TSC22D1: variants seen among roughly 807,000 people sequenced by gnomAD.
TSC22D1 encodes the protein TSC22 domain family member 1.
In TSC22D1, 9 loss-of-function variants were observed where a neutral mutation model predicts 74.2. The observed-to-expected ratio is 0.12, with a 90% CI of 0.07 to 0.21. The LOEUF (loss-of-function observed/expected upper bound fraction) is 0.21. TSC22D1 is among the 10% of genes least tolerant of loss of function. The pLI is 1.00. For synonymous variants in TSC22D1, 586 were observed against 492.5 expected (o/e 1.19, Z -2.51); for missense variants, 1,427 against 1,304.7 (o/e 1.09, Z -1.44).
chr13:44,529,304 A>G (rs1194392748), intron 1 of TSC22D1, among the ~76,000 whole-genome samples: 2 of 152,214 alleles, frequency 1.3e-5, no homozygotes, highest in South Asian at 4.1e-4. Context: ...TACTACATCA[A>G]TAGGCTAAAG....
intron 1 of TSC22D1, among the ~76,000 whole-genome samples, chr13:44,480,823 T>G (rs1878141650): frequency 6.6e-6 from 1 of 152,212 alleles, no homozygotes; most frequent in South Asian, 2.1e-4. Flanking sequence ...GTTTTTTGGT[T>G]GTTTTACATA....
At chr13:44,528,011 T>C (rs1026278901) in intron 1 of TSC22D1, among the ~76,000 whole-genome samples, 1 of 152,080 alleles carries the variant, frequency 6.6e-6, no homozygotes, top group African/African-American at 2.4e-5. Flanking sequence ...ATTCTTAATA[T>C]GTATGTGCCT....
At chr13:44,437,930 C>T (rs1874871779) in intron 1 of TSC22D1, among the ~76,000 whole-genome samples, 1 of 152,146 alleles carries the variant, frequency 6.6e-6, no homozygotes, top group East Asian at 1.9e-4. Flanking sequence ...TCTGTTTCAC[C>T]CTCTTGGCCA....
intron 2 of TSC22D1, chr13:44,435,219 C>T (rs1459335475): frequency 1.4e-5 from 3 of 212,362 alleles, no homozygotes; most frequent in African/African-American, 2.3e-5. Context: ...GCGCCCACCG[C>T]GTCCCCGCCC....
intron 1 of TSC22D1, chr13:44,536,926 G>GGA: frequency 6.1e-6 from 3 of 493,378 alleles, no homozygotes; most frequent in Non-Finnish European, 6.9e-6. Context: ...GTATTTTTCT[G>GGA]AAAAAAAAAA....
At chr13:44,501,808 C>T (rs559373441) in intron 1 of TSC22D1, among the ~76,000 whole-genome samples, 21 of 152,198 alleles carry the variant, frequency 1.4e-4, no homozygotes, top group Admixed American at 2.6e-4. Context: ...AAAACATAAG[C>T]GCTAACACAT....
At chr13:44,542,372 A>C (rs546447135) in intron 1 of TSC22D1, among the ~76,000 whole-genome samples, 6 of 152,206 alleles carry the variant, frequency 3.9e-5, no homozygotes, top group South Asian at 4.1e-4. Context: ...ATATTGGTCT[A>C]AATTTAGAAT....
At chr13:44,490,288 T>TA in intron 1 of TSC22D1, among the ~76,000 whole-genome samples, 1 of 151,902 alleles carries the variant, frequency 6.6e-6, no homozygotes, top group Non-Finnish European at 1.5e-5. Flanking sequence ...CTGATAGTGT[T>TA]AGAGGTCTGT....
intron 1 of TSC22D1, among the ~76,000 whole-genome samples, chr13:44,461,236 C>T (rs116521785): frequency 2.0e-3 from 312 of 152,292 alleles, no homozygotes; most frequent in African/African-American, 7.1e-3. Context: ...CACTCTCATA[C>T]TGCTAGTAAG....
intron 1 of TSC22D1, among the ~76,000 whole-genome samples, chr13:44,562,588 T>C (rs560797306): frequency 2.0e-5 from 3 of 152,062 alleles, no homozygotes; most frequent in East Asian, 1.9e-4. Flanking sequence ...GAGTCCCCAG[T>C]AGACAGGAAA....
chr13:44,521,054 G>A (rs1485935339), intron 1 of TSC22D1, among the ~76,000 whole-genome samples: 1 of 152,096 alleles, frequency 6.6e-6, no homozygotes, highest in African/African-American at 2.4e-5. Flanking sequence ...GGCAGTGCTG[G>A]ATATTCAAAT....
chr13:44,437,194 C>G (rs1874776381), intron 1 of TSC22D1: 2 of 985,516 alleles, frequency 2.0e-6, no homozygotes, highest in Non-Finnish European at 2.4e-6. Flanking sequence ...GAGTCAGACC[C>G]CGGTCCCCGG....
chr13:44,507,199 G>C (rs527413222), intron 1 of TSC22D1, among the ~76,000 whole-genome samples: 1 of 152,302 alleles, frequency 6.6e-6, no homozygotes, highest in South Asian at 2.1e-4. Context: ...GAAAGGAACA[G>C]AACTAAGGAG....
chr13:44,455,049 A>T (rs1429758011), intron 1 of TSC22D1, among the ~76,000 whole-genome samples: 16 of 152,214 alleles, frequency 1.1e-4, no homozygotes, highest in Admixed American at 9.2e-4. Flanking sequence ...TGAAACTTAC[A>T]TTCAACTGGG....
chr13:44,443,962 C>T (rs1211381403), intron 1 of TSC22D1, among the ~76,000 whole-genome samples: 3 of 151,902 alleles, frequency 2.0e-5, no homozygotes, highest in Non-Finnish European at 4.4e-5. Context: ...AAAATGAATA[C>T]CAAGATAGCA....
rs762998344 is a variant in TSC22D1, at chr13:44,576,164, G to A, written c.-90C>T. 16 of 1,368,470 alleles carry A rather than the reference G, an allele frequency of 1.2e-5. No homozygotes were observed. Among genetic ancestry groups the A allele is most frequent in the Non-Finnish European group, 1.5e-5 (16 of 1,058,332 alleles). 84.8% of individuals were successfully genotyped at this position (1,368,470 alleles called of 1,614,324 possible). Reference sequence around the variant, plus strand: ...TTGGAGACGCCGGAGAGGAAAACGGGACCTGACGCTCCGCCTGGCGCGATT... The same window carrying A: ...TTGGAGACGCCGGAGAGGAAAACGGAACCTGACGCTCCGCCTGGCGCGATT... On this transcript the variant is annotated 5_prime_UTR_variant, in exon 1 of 3. Transcript: ENST00000458659.
intron 1 of TSC22D1, among the ~76,000 whole-genome samples, chr13:44,465,335 C>T (rs1477905856): frequency 6.6e-6 from 1 of 152,188 alleles, no homozygotes; most frequent in Non-Finnish European, 1.5e-5. Context: ...GCTATATTCA[C>T]GTCATATGGC....
intron 1 of TSC22D1, among the ~76,000 whole-genome samples, chr13:44,493,474 G>A (rs932765142): frequency 2.6e-5 from 4 of 152,170 alleles, no homozygotes; most frequent in African/African-American, 7.2e-5. Flanking sequence ...ACAAACCACC[G>A]TCACCTGAAG....
chr13:44,487,576 A>T (rs1385627123), intron 1 of TSC22D1, among the ~76,000 whole-genome samples: 1 of 151,432 alleles, frequency 6.6e-6, no homozygotes, highest in Non-Finnish European at 1.5e-5. Flanking sequence ...CAATGTAAAA[A>T]TTCTTAAAAA....
Sources: allele counts gnomAD v4.1 joint callset (sites outside exome capture counted in the v4.1 genomes callset), GRCh38; gene constraint gnomAD v4.1.1; transcripts MANE v1.5; gene names NCBI Gene and HGNC (gene_info 2026-07-23, HGNC 2026-07-21).